The following PLPPR5 variants were observed in gnomAD, a reference collection of about 807,000 sequenced individuals.
PLPPR5 encodes phospholipid phosphatase related 5, also known as phospholipid phosphatase-related protein type 5.
PLPPR5 carries 16 observed loss-of-function variants against 33.9 expected under a neutral mutation model. That is an observed-to-expected ratio of 0.47 (90% CI 0.32 to 0.72). The LOEUF is 0.72. PLPPR5 is among the 30% of genes least tolerant of loss of function. The probability of loss-of-function intolerance (pLI) is 0.03; values close to 1 mark genes in which losing one functional copy is unlikely to be tolerated. For missense variants in PLPPR5, 301 were observed against 406.7 expected, an observed-to-expected ratio of 0.74 and a Z score of 2.23; for synonymous variants, 163 against 150.3, an observed-to-expected ratio of 1.08 and a Z score of -0.62.
rs1649622200 is a variant in PLPPR5, at chr1:98,922,931, G to A, written c.622-873C>T. Among the ~76,000 whole-genome samples, 7 of 152,020 alleles carry A rather than the reference G, an allele frequency of 4.6e-5. No individual in the cohort carries two copies. The South Asian group carries it at 1.5e-3, about 32-fold the overall frequency. ...ACCCAGAAGGCGGAGCTTGCAGTGA[G>A]CTGAGATCGTGCCACTGCACTCCAG... On this transcript the variant is annotated intron_variant, in intron 3 of 5. Transcript: ENST00000263177.
intron 1 of PLPPR5, among the ~76,000 whole-genome samples, chr1:98,976,921 T>C (rs1472735370): frequency 6.6e-6 from 1 of 152,012 alleles, no homozygotes; most frequent in African/African-American, 2.4e-5. Context: ...TGGCCCATCA[T>C]AGCAGCAGAT....
At chr1:98,905,581 T>C (rs1648864196) in intron 5 of PLPPR5, among the ~76,000 whole-genome samples, 1 of 152,178 alleles carries the variant, frequency 6.6e-6, no homozygotes, top group Admixed American at 6.5e-5. Context: ...TGGTATTATC[T>C]AGAATTTGTC....
chr1:98,936,028 G>A (rs1201781335), intron 3 of PLPPR5, among the ~76,000 whole-genome samples: 1 of 152,184 alleles, frequency 6.6e-6, no homozygotes, highest in Non-Finnish European at 1.5e-5. Context: ...AACAGACACG[G>A]GGGACGTTCT....
chr1:98,921,503 C>T (rs1649551858), intron 4 of PLPPR5, among the ~76,000 whole-genome samples: 1 of 151,990 alleles, frequency 6.6e-6, no homozygotes, highest in African/African-American at 2.4e-5. Flanking sequence ...CTGAAACTCG[C>T]CTATAACATT....
chr1:98,898,746 T>C (rs1328875444), intron 5 of PLPPR5, among the ~76,000 whole-genome samples: 1 of 152,104 alleles, frequency 6.6e-6, no homozygotes, highest in Non-Finnish European at 1.5e-5. Flanking sequence ...AAAGGTGACT[T>C]TTTTGGGGGA....
At chr1:98,942,784 A>G (rs1175267881) in intron 3 of PLPPR5, among the ~76,000 whole-genome samples, 1 of 152,214 alleles carries the variant, frequency 6.6e-6, no homozygotes, top group East Asian at 1.9e-4. Flanking sequence ...CCACCAGATG[A>G]TATTAGCCTT....
chr1:99,004,536 G>A lies in PLPPR5; in HGVS notation c.136C>T (p.His46Tyr). 6.2e-7 allele frequency: 1 copy of A among 1,613,136 alleles called. No homozygotes were observed. Among genetic ancestry groups the A allele is most frequent in the Non-Finnish European group, 8.5e-7 (1 of 1,179,858 alleles). The stretch of plus-strand genomic sequence containing the variant: ...TAGGGTTTGCGGTAGGCGCTGTCGT[G>A]GCAGAAGAAGCCCTGCACGTTCACG... ...FTVNVQGFFC[H>Y]DSAYRKPYPG... is the part of the protein sequence containing the mutation. Residue 46 changes from histidine (H) to tyrosine (Y), a missense_variant, in exon 1 of 6, where the codon CAC (histidine) becomes TAC (tyrosine). His to Tyr is a moderately conservative substitution (Grantham distance 83). Transcript: ENST00000263177.
intron 1 of PLPPR5, among the ~76,000 whole-genome samples, chr1:98,981,962 A>G (rs1412271693): frequency 6.6e-6 from 1 of 152,082 alleles, no homozygotes; most frequent in Non-Finnish European, 1.5e-5. Context: ...TTTACTCATT[A>G]ATGTCAATCT....
At chr1:98,940,371 T>C (rs1435405451) in intron 3 of PLPPR5, among the ~76,000 whole-genome samples, 1 of 151,872 alleles carries the variant, frequency 6.6e-6, no homozygotes, top group Non-Finnish European at 1.5e-5. Flanking sequence ...CCCTTCATGA[T>C]CTCATCTAAC....
intron 5 of PLPPR5, among the ~76,000 whole-genome samples, chr1:98,913,561 T>C (rs1433145361): frequency 6.6e-6 from 1 of 152,200 alleles, no homozygotes; most frequent in African/African-American, 2.4e-5. Context: ...ACACGTGAAG[T>C]TTTTAAAAAA....
chr1:98,920,599 A>AAAAAAAAAAAAAAAAAAAAAAAT (rs1383489290), intron 4 of PLPPR5, among the ~76,000 whole-genome samples: 3 of 148,668 alleles, frequency 2.0e-5, no homozygotes, highest in Non-Finnish European at 4.5e-5. Context: ...TCACCAAAAA[A>AAAAAAAAAAAAAAAAAAAAAAAT]AAAAAAAAAA....
chr1:98,981,107 AT>A (rs1038238675), intron 1 of PLPPR5, among the ~76,000 whole-genome samples: 2 of 152,148 alleles, frequency 1.3e-5, no homozygotes, highest in Non-Finnish European at 2.9e-5. Flanking sequence ...CCAATATTAT[AT>A]TTTTTCTCTT....
intron 1 of PLPPR5, among the ~76,000 whole-genome samples, chr1:98,994,151 C>T (rs532967444): frequency 4.6e-5 from 7 of 151,094 alleles, no homozygotes; most frequent in African/African-American, 1.7e-4. Context: ...ATAGAAGGTG[C>T]TCACCAAATA....
intron 5 of PLPPR5, among the ~76,000 whole-genome samples, chr1:98,907,956 T>C (rs1274403865): frequency 1.3e-5 from 2 of 152,202 alleles, no homozygotes; most frequent in Non-Finnish European, 2.9e-5. Flanking sequence ...GGGGTACCTA[T>C]CCAGTTCACA....
intron 1 of PLPPR5, among the ~76,000 whole-genome samples, chr1:98,965,358 ACACTATGAAG>A (rs1651402285): frequency 6.6e-6 from 1 of 152,120 alleles, no homozygotes; most frequent in Non-Finnish European, 1.5e-5. Flanking sequence ...CCAGTGTTGA[ACACTATGAAG>A]CTCCTCGAAT....
intron 5 of PLPPR5, among the ~76,000 whole-genome samples, chr1:98,906,658 C>G: frequency 6.6e-6 from 1 of 152,106 alleles, no homozygotes; most frequent in Non-Finnish European, 1.5e-5. Flanking sequence ...TAGCTAACAA[C>G]TGGGAACAAT....
intron 3 of PLPPR5, among the ~76,000 whole-genome samples, chr1:98,936,222 A>G (rs1441422486): frequency 6.6e-6 from 1 of 152,244 alleles, no homozygotes; most frequent in Admixed American, 6.5e-5. Flanking sequence ...CATAAATAAT[A>G]GAAGGACATT....
At chr1:98,980,646 C>T (rs1652029733) in intron 1 of PLPPR5, among the ~76,000 whole-genome samples, 1 of 151,954 alleles carries the variant, frequency 6.6e-6, no homozygotes, top group African/African-American at 2.4e-5. Flanking sequence ...GTATCATATC[C>T]TCAAATTTAT....
intron 5 of PLPPR5, among the ~76,000 whole-genome samples, chr1:98,906,683 C>G (rs906635770): frequency 1.3e-5 from 2 of 152,118 alleles, no homozygotes; most frequent in African/African-American, 2.4e-5. Context: ...CTACCTATCA[C>G]GGAATTTATA....
Sources: gnomAD v4.1 joint callset for allele counts (sites outside exome capture counted in the v4.1 genomes callset) on GRCh38, gnomAD v4.1.1 for gene constraint, MANE v1.5 for transcripts, NCBI Gene and HGNC (gene_info 2026-07-23, HGNC 2026-07-21) for gene names.